The following KIRREL3 variants were observed in gnomAD, a reference collection of about 807,000 sequenced individuals.
KIRREL3 encodes kirre like nephrin family adhesion molecule 3, also known as kin of IRRE-like protein 3.
In KIRREL3, 36 loss-of-function variants were observed where a neutral mutation model predicts 89.7. The observed-to-expected ratio is 0.40, with a 90% confidence interval of 0.31 to 0.53. The LOEUF (loss-of-function observed/expected upper bound fraction) is 0.53. KIRREL3 is among the 20% of genes least tolerant of loss of function. The pLI is 0.49. For synonymous variants in KIRREL3, 445 were observed against 441.4 expected, an observed-to-expected ratio of 1.01 and a Z score of -0.10; for missense variants, 864 against 1,056.6, an observed-to-expected ratio of 0.82 and a Z score of 2.53.
At chr11:126,911,562 C>A (rs138560135) in intron 1 of KIRREL3, among the ~76,000 whole-genome samples, 1 of 152,160 alleles carries the variant, frequency 6.6e-6, no homozygotes, top group South Asian at 2.1e-4. Flanking sequence ...CCTCTCTCCC[C>A]GCAGCAGTAA....
In KIRREL3 at chr11:126,709,142, T is replaced by C. The variant is rs1274472516; in HGVS notation, c.56-146230A>G. ...GTGTTACGCTATGTGCTTGTTTCAT[T>C]TAATACCGTCAACGACCATATAAAG... On this transcript the variant is annotated intron_variant, in intron 1 of 16. Coordinates refer to ENST00000525144, the MANE Select transcript of KIRREL3 (RefSeq NM_032531.4). This position sits in a 1 kb window ranked among gnomAD's most constrained non-coding sequence, Gnocchi z 4.0. 6.6e-6 allele frequency among the ~76,000 whole-genome samples: 1 copy of C among 152,216 alleles called. No individual in the cohort carries two copies. The highest frequency in any genetic ancestry group is 1.5e-5 in the Non-Finnish European group (1 of 68,038).
rs1946524374 is a variant in KIRREL3, at chr11:126,905,079, A to T, written c.55+95376T>A. Among the ~76,000 whole-genome samples the T allele has an allele frequency of 2.0e-5, 3 of 152,206 alleles. No individual in the cohort carries two copies. On this transcript the variant is annotated intron_variant, in intron 1 of 16. Transcript: ENST00000525144. This position sits in a 1 kb window ranked among gnomAD's most constrained non-coding sequence, Gnocchi z 5.0. ...TCCCTGGTTTGGCAAAAAGGGCGACATGATGGTTGGTGTCTATGAAGACAG... is the reference window on the plus strand; with the variant it reads ...TCCCTGGTTTGGCAAAAAGGGCGACTTGATGGTTGGTGTCTATGAAGACAG...
chr11:126,429,045 T>C lies in KIRREL3; in HGVS notation c.1806+134A>G, dbSNP rs1955036749. On this transcript the variant is annotated intron_variant, in intron 15 of 16. Coordinates refer to ENST00000525144, the MANE Select transcript of KIRREL3 (RefSeq NM_032531.4). The surrounding 1 kb of genome is among the most constrained non-coding windows in gnomAD (Gnocchi z 5.2). ...TGGCTGAGAGTGTGTGCCTCACCTA[T>C]TGTGGGGTGGGCAGGGGGCATCTTG... The C allele has an allele frequency of 3.2e-6, 2 of 624,612 alleles. No homozygotes were observed. Among genetic ancestry groups the C allele is most frequent in the South Asian group, 1.9e-5 (1 of 52,854 alleles). The allele number at this position is 624,612 out of a possible 1,614,324, so 38.7% of individuals were successfully genotyped here. A position where few individuals can be genotyped will look rare whatever the true frequency, so the allele number is the denominator to read the frequency against.
Position 126,608,991 on chromosome 11 carries a change from G to T in KIRREL3, c.56-46079C>A, listed in dbSNP as rs895066724. Among the ~76,000 whole-genome samples the T allele has an allele frequency of 1.3e-5, 2 of 152,196 alleles. No individual in the cohort carries two copies. Among genetic ancestry groups the T allele is most frequent in the African/African-American group, 4.8e-5 (2 of 41,450 alleles). The stretch of plus-strand genomic sequence containing the variant: ...GGGTAGCAGAAACAATCAGGCCAGA[G>T]GGGTATTTGTTGCAGAAGAGAAATG... On this transcript the variant is annotated intron_variant, in intron 1 of 16. Coordinates refer to ENST00000525144, the MANE Select transcript of KIRREL3 (RefSeq NM_032531.4). This position sits in a 1 kb window ranked among gnomAD's most constrained non-coding sequence, Gnocchi z 4.9.
intron 1 of KIRREL3, among the ~76,000 whole-genome samples, chr11:126,721,957 T>C (rs1427262643): frequency 1.3e-5 from 2 of 152,194 alleles, no homozygotes; most frequent in Non-Finnish European, 2.9e-5. Flanking sequence ...TTGTGAGTGC[T>C]CTGGTCAGAA....
At position 126,635,935 on chromosome 11, in the gene KIRREL3, T is replaced by C. The variant is rs899307507; in HGVS notation, c.56-73023A>G. On this transcript the variant is annotated intron_variant, in intron 1 of 16. Coordinates refer to ENST00000525144, the MANE Select transcript of KIRREL3 (RefSeq NM_032531.4). This position sits in a 1 kb window ranked among gnomAD's most constrained non-coding sequence, Gnocchi z 4.0. ...AGGGAACAACTTGGTTATTTTTGGGTCATGGGCAGGGCCAGCAGGCCTACA... is the reference window on the plus strand; with the variant it reads ...AGGGAACAACTTGGTTATTTTTGGGCCATGGGCAGGGCCAGCAGGCCTACA... 6.6e-6 allele frequency among the ~76,000 whole-genome samples: 1 copy of C among 152,134 alleles called. No individual in the cohort carries two copies.
chr11:126,524,206 G>A (rs1202549047), intron 3 of KIRREL3, among the ~76,000 whole-genome samples: 1 of 152,146 alleles, frequency 6.6e-6, no homozygotes, highest in Non-Finnish European at 1.5e-5. Context: ...CCCATTTTAT[G>A]GGGACAATAC....
chr11:126,933,526 T>C (rs923194972), intron 1 of KIRREL3, among the ~76,000 whole-genome samples: 1 of 151,300 alleles, frequency 6.6e-6, no homozygotes, highest in African/African-American at 2.4e-5. Context: ...ACTGTCTTTA[T>C]TTGTAGATTA....
rs1282354066 is a variant in KIRREL3, at chr11:126,931,133, T to C, written c.55+69322A>G. Among the ~76,000 whole-genome samples the C allele has an allele frequency of 4.6e-5, 7 of 152,200 alleles. No homozygotes were observed. The highest frequency in any genetic ancestry group is 1.7e-4 in the African/African-American group (7 of 41,458). ...TATGCTCATCTCAGCATGGAACTTA[T>C]GTGCACTACCTGTGTTTGTCTGCTG... On this transcript the variant is annotated intron_variant, in intron 1 of 16. Transcript: ENST00000525144. The surrounding 1 kb of genome is among the most constrained non-coding windows in gnomAD (Gnocchi z 5.1).
chr11:126,668,374 G>A lies in KIRREL3; in HGVS notation c.56-105462C>T, dbSNP rs1945760080. Reference sequence around the variant, plus strand: ...CTCCTAATACCGTAGCCTTGGAGGTGAGAATTTTAGCTTATGAATTTGGGG... The same window carrying A: ...CTCCTAATACCGTAGCCTTGGAGGTAAGAATTTTAGCTTATGAATTTGGGG... On this transcript the variant is annotated intron_variant, in intron 1 of 16. Transcript: ENST00000525144. The surrounding 1 kb of genome is among the most constrained non-coding windows in gnomAD (Gnocchi z 4.4). Among the ~76,000 whole-genome samples, 1 of 152,180 alleles carries A rather than the reference G, an allele frequency of 6.6e-6. No individual in the cohort carries two copies.
rs1042655687 is a variant in KIRREL3, at chr11:126,575,691, C to T, written c.56-12779G>A. Among the ~76,000 whole-genome samples the T allele has an allele frequency of 3.9e-5, 6 of 152,260 alleles. No individual in the cohort carries two copies. The East Asian group carries it at 1.2e-3, about 29-fold the overall frequency. On this transcript the variant is annotated intron_variant, in intron 1 of 16. Coordinates refer to ENST00000525144, the MANE Select transcript of KIRREL3 (RefSeq NM_032531.4). The surrounding 1 kb of genome is among the most constrained non-coding windows in gnomAD (Gnocchi z 7.0). ...GTTGGAGTTAATACCCACAGCAGCT[C>T]AAGGAACAGCTTTGTTCAGCTCTCA...
At chr11:126,701,668 C>A (rs145373852) in intron 1 of KIRREL3, among the ~76,000 whole-genome samples, 276 of 152,034 alleles carry the variant, frequency 1.8e-3, no homozygotes, top group African/African-American at 6.1e-3. Flanking sequence ...GAGAAGGGAG[C>A]GAGGAGGTCA....
intron 1 of KIRREL3, among the ~76,000 whole-genome samples, chr11:126,658,304 A>G (rs1416197132): frequency 2.6e-5 from 4 of 152,176 alleles, no homozygotes; most frequent in Non-Finnish European, 2.9e-5. Context: ...AAGACTTGGT[A>G]TGCTTAATTA....
upstream of KIRREL3, among the ~76,000 whole-genome samples, chr11:127,001,441 T>C (rs1950313717): frequency 6.6e-6 from 1 of 152,024 alleles, no homozygotes. Context: ...CCATTTATTA[T>C]CATTATCCTG....
chr11:126,676,251 GAA>G lies in KIRREL3; in HGVS notation c.56-113341_56-113340del, dbSNP rs1946183409. Among the ~76,000 whole-genome samples the G allele has an allele frequency of 6.6e-6, 1 of 152,206 alleles. No individual in the cohort carries two copies. The highest frequency in any genetic ancestry group is 1.5e-5 in the Non-Finnish European group (1 of 68,042). ...GGCAAAGATGAAATCAGCTAGGAAA[GAA>G]AGCACAGAACCATCAGGAGGGAAAC... On this transcript the variant is annotated intron_variant, in intron 1 of 16. Transcript: ENST00000525144. This position sits in a 1 kb window ranked among gnomAD's most constrained non-coding sequence, Gnocchi z 4.5.
rs559714029 is a variant in KIRREL3 at position 126,489,961 on chromosome 11, G to A, written c.434-16495C>T. ...CCTGGCACTGTGCAGGAATCTGGGC[G>A]TGTTAGTGCTGCATACGTTGGGGAA... is the stretch of plus-strand genomic sequence containing the variant. On this transcript the variant is annotated intron_variant, in intron 4 of 16. Transcript: ENST00000525144. This position sits in a 1 kb window ranked among gnomAD's most constrained non-coding sequence, Gnocchi z 5.5. Among the ~76,000 whole-genome samples the A allele has an allele frequency of 2.0e-5, 3 of 152,138 alleles. No individual in the cohort carries two copies. Among genetic ancestry groups the A allele is most frequent in the South Asian group, 2.1e-4 (1 of 4,824 alleles).
intron 1 of KIRREL3, among the ~76,000 whole-genome samples, chr11:126,780,000 G>C (rs2134324922): frequency 6.6e-6 from 1 of 152,238 alleles, no homozygotes; most frequent in East Asian, 1.9e-4. Flanking sequence ...AAGCTCGGCT[G>C]AGTCTGGCTC....
At chr11:126,469,327 T>A (rs1363403753) in intron 5 of KIRREL3, among the ~76,000 whole-genome samples, 1 of 152,256 alleles carries the variant, frequency 6.6e-6, no homozygotes, top group African/African-American at 2.4e-5. Flanking sequence ...TGATTTTGTG[T>A]GTGCTCCCAG....
In KIRREL3 at chr11:126,535,423, T is replaced by C. The variant is rs1040230690; in HGVS notation, c.134-8736A>G. On this transcript the variant is annotated intron_variant, in intron 2 of 16. Coordinates refer to ENST00000525144, the MANE Select transcript of KIRREL3 (RefSeq NM_032531.4). The surrounding 1 kb of genome is among the most constrained non-coding windows in gnomAD (Gnocchi z 4.5). ...AGAAGACCCCATGTTTCTCTATGAC[T>C]TGCACACCTGTGGCCCCATTCTGAG... is the stretch of plus-strand genomic sequence containing the variant. 1.3e-5 allele frequency among the ~76,000 whole-genome samples: 2 copies of C among 152,198 alleles called. No individual in the cohort carries two copies. Among genetic ancestry groups the C allele is most frequent in the African/African-American group, 2.4e-5 (1 of 41,442 alleles).
Sources: allele counts gnomAD v4.1 joint callset (sites outside exome capture counted in the v4.1 genomes callset), GRCh38; gene constraint gnomAD v4.1.1; non-coding constraint Gnocchi (gnomAD v3.1); transcripts MANE v1.5; gene names NCBI Gene and HGNC (gene_info 2026-07-23, HGNC 2026-07-21).